The following LINGO2 variants were observed in gnomAD, a reference collection of about 807,000 sequenced individuals.
LINGO2 encodes the protein leucine-rich repeat and immunoglobulin-like domain-containing nogo receptor-interacting protein 2.
LINGO2 carries 14 observed loss-of-function variants against 30.6 expected under a neutral mutation model. The observed-to-expected ratio is 0.46, with a 90% CI of 0.30 to 0.72. The LOEUF (loss-of-function observed/expected upper bound fraction) is 0.72. Ranked by LOEUF, LINGO2 falls within the 30% of genes least tolerant of loss-of-function variation. The pLI, the probability that LINGO2 is intolerant of heterozygous loss-of-function variation, is 0.07. For missense variants in LINGO2, 729 were observed against 751.7 expected (o/e 0.97, Z 0.35); for synonymous variants, 317 against 288.5 (o/e 1.10, Z -1.00).
rs190647524 is a variant in LINGO2 at position 28,373,792 on chromosome 9, C to T, written c.-278-924G>A. On this transcript the variant is annotated intron_variant, in intron 2 of 5. Coordinates refer to ENST00000379992, the Ensembl canonical transcript of LINGO2. ...GCGTGCGCCTGTAGTCCCAGCTACT[C>T]GGGAGGCTGAGGCAGGAGAATTGCT... Among the ~76,000 whole-genome samples, 463 of 150,776 alleles carry T rather than the reference C, an allele frequency of 3.1e-3. 3 individuals carry two copies. Among genetic ancestry groups the T allele is most frequent in the African/African-American group, 0.011 (444 of 41,024 alleles).
the LINGO2 span, among the ~76,000 whole-genome samples, chr9:28,774,784 AT>A: frequency 6.6e-6 from 1 of 152,112 alleles, no homozygotes; most frequent in Non-Finnish European, 1.5e-5. Context: ...GCAAAGTTCA[AT>A]TTTTTCAGTG....
At chr9:28,566,970 T>G (rs1823416324) in intron 1 of LINGO2, among the ~76,000 whole-genome samples, 1 of 152,168 alleles carries the variant, frequency 6.6e-6, no homozygotes, top group African/African-American at 2.4e-5. Flanking sequence ...ATTTTTAGCC[T>G]TCATCTTCAG....
intron 4 of LINGO2, among the ~76,000 whole-genome samples, chr9:28,088,174 G>A (rs547585193): frequency 4.2e-4 from 62 of 147,452 alleles, no homozygotes; most frequent in African/African-American, 1.5e-3. Flanking sequence ...TTGAGGAGAT[G>A]AAGAAATAAG....
the LINGO2 span, among the ~76,000 whole-genome samples, chr9:28,989,431 T>C: frequency 6.6e-6 from 1 of 152,358 alleles, no homozygotes; most frequent in East Asian, 1.9e-4. Flanking sequence ...ACTGCAGAAC[T>C]GCTTCTGGTA....
chr9:28,104,049 G>A (rs1826496693), intron 4 of LINGO2, among the ~76,000 whole-genome samples: 1 of 151,612 alleles, frequency 6.6e-6, no homozygotes, highest in African/African-American at 2.4e-5. Flanking sequence ...TTTTAAAGGG[G>A]GAAAAAAACT....
intron 3 of LINGO2, among the ~76,000 whole-genome samples, chr9:28,350,734 A>G (rs1405398736): frequency 6.6e-6 from 1 of 151,528 alleles, no homozygotes; most frequent in Admixed American, 6.6e-5. Context: ...TCCAAAATTG[A>G]CCACATACTT....
At chr9:29,066,708 T>C in the LINGO2 span, among the ~76,000 whole-genome samples, 2 of 151,924 alleles carry the variant, frequency 1.3e-5, no homozygotes, top group East Asian at 1.9e-4. Flanking sequence ...ACCAACATTG[T>C]TTGTTAACAA....
the LINGO2 span, among the ~76,000 whole-genome samples, chr9:29,043,495 G>T: frequency 6.6e-6 from 1 of 151,890 alleles, no homozygotes; most frequent in Non-Finnish European, 1.5e-5. Context: ...GCGAATCTGG[G>T]TTCCATGCAA....
the LINGO2 span, among the ~76,000 whole-genome samples, chr9:29,086,884 A>G: frequency 2.8e-4 from 42 of 149,308 alleles, no homozygotes; most frequent in African/African-American, 9.7e-4. Context: ...AATAATTAAG[A>G]GCAGTGATTT....
the LINGO2 span, among the ~76,000 whole-genome samples, chr9:28,676,486 C>T: frequency 6.6e-6 from 1 of 152,142 alleles, no homozygotes; most frequent in African/African-American, 2.4e-5. Context: ...TACATTTTTA[C>T]TACACTAAAT....
At chr9:28,637,254 G>A (rs1305689473) in intron 1 of LINGO2, among the ~76,000 whole-genome samples, 7 of 152,100 alleles carry the variant, frequency 4.6e-5, no homozygotes, top group East Asian at 1.9e-4. Context: ...ATCAGGTAGC[G>A]TGATGCCTCC....
At chr9:29,163,249 A>G in the LINGO2 span, among the ~76,000 whole-genome samples, 1 of 152,308 alleles carries the variant, frequency 6.6e-6, no homozygotes, top group Non-Finnish European at 1.5e-5. Context: ...CTGACATCAG[A>G]AATGTCTGAT....
At chr9:28,659,666 C>T (rs1241120799) in intron 1 of LINGO2, among the ~76,000 whole-genome samples, 1 of 152,054 alleles carries the variant, frequency 6.6e-6, no homozygotes, top group African/African-American at 2.4e-5. Context: ...CCAGGCTGAT[C>T]TTAAACTCCT....
Position 28,002,236 on chromosome 9 carries a change from C to T in LINGO2, c.-36+10119G>A, listed in dbSNP as rs900191930. Reference sequence around the variant, plus strand: ...CCATGAACTTACCGTCAGTGCCCAACAAATTAAATTCTCTCTTCCCTTCCC... The same window carrying T: ...CCATGAACTTACCGTCAGTGCCCAATAAATTAAATTCTCTCTTCCCTTCCC... On this transcript the variant is annotated intron_variant, in intron 5 of 5. Transcript: ENST00000379992. Among the ~76,000 whole-genome samples the T allele has an allele frequency of 3.3e-5, 5 of 151,120 alleles. No individual in the cohort carries two copies. The South Asian group carries it at 1.0e-3, about 32-fold the overall frequency.
intron 4 of LINGO2, among the ~76,000 whole-genome samples, chr9:28,106,424 C>T (rs1170445393): frequency 6.6e-6 from 1 of 152,144 alleles, no homozygotes; most frequent in Non-Finnish European, 1.5e-5. Flanking sequence ...TTTTGATTGC[C>T]TTCTCTCCCC....
intron 4 of LINGO2, among the ~76,000 whole-genome samples, chr9:28,289,428 G>C (rs1269743884): frequency 6.6e-6 from 1 of 152,168 alleles, no homozygotes; most frequent in Non-Finnish European, 1.5e-5. Context: ...AGGGCTATGT[G>C]AGGAGAAGTT....
chr9:28,145,334 TA>T (rs950341815), intron 4 of LINGO2, among the ~76,000 whole-genome samples: 1 of 152,190 alleles, frequency 6.6e-6, no homozygotes, highest in African/African-American at 2.4e-5. Flanking sequence ...AACTATGAGG[TA>T]CTATGAATTT....
the LINGO2 span, among the ~76,000 whole-genome samples, chr9:28,747,237 TGA>T: frequency 1.3e-5 from 2 of 151,954 alleles, no homozygotes; most frequent in African/African-American, 4.8e-5. Flanking sequence ...GTTTGAATGC[TGA>T]GAGGAGTTTG....
chr9:28,787,939 G>C, the LINGO2 span, among the ~76,000 whole-genome samples: 1 of 152,062 alleles, frequency 6.6e-6, no homozygotes, highest in South Asian at 2.1e-4. Context: ...TCCTTAGCTT[G>C]ACAAATGTTT....
Sources: allele counts gnomAD v4.1 joint callset (sites outside exome capture counted in the v4.1 genomes callset), GRCh38; gene constraint gnomAD v4.1.1; transcripts MANE v1.5; gene names NCBI Gene and HGNC (gene_info 2026-07-23, HGNC 2026-07-21).